OPCML: variants seen among roughly 807,000 people sequenced by gnomAD.
The protein encoded by OPCML is opioid-binding protein/cell adhesion molecule.
In OPCML, 13 loss-of-function variants were observed where a neutral mutation model predicts 37.8. The observed-to-expected ratio is 0.34, with a 90% confidence interval of 0.22 to 0.55. OPCML has a LOEUF of 0.55. Among genes scored for constraint, OPCML ranks in the 20% least tolerant of loss-of-function variants. The pLI is 0.91. For missense variants in OPCML, 341 were observed against 435.6 expected, an observed-to-expected ratio of 0.78 and a Z score of 1.93; for synonymous variants, 176 against 168.8, an observed-to-expected ratio of 1.04 and a Z score of -0.33.
chr11:132,949,588 C>G (rs968811501), intron 1 of OPCML, among the ~76,000 whole-genome samples: 7 of 152,206 alleles, frequency 4.6e-5, no homozygotes, highest in African/African-American at 1.7e-4. Context: ...TTTGACGGAT[C>G]AGTCTCACAC....
chr11:133,452,454 CA>C (rs58833285), intron 1 of OPCML, among the ~76,000 whole-genome samples: 8,568 of 150,808 alleles, frequency 0.057, 624 homozygotes, highest in African/African-American at 0.14. Context: ...TCTTGGAGTT[CA>C]ATTAGTTTAT....
intron 2 of OPCML, among the ~76,000 whole-genome samples, chr11:132,816,193 T>G (rs1417208151): frequency 2.6e-5 from 4 of 152,186 alleles, no homozygotes; most frequent in Non-Finnish European, 5.9e-5. Flanking sequence ...CTTCATGGCA[T>G]TGTGGTTTAA....
At chr11:132,820,497 G>GGTGTGTGTGTATGTGTGT (rs1939917096) in intron 2 of OPCML, among the ~76,000 whole-genome samples, 1 of 151,874 alleles carries the variant, frequency 6.6e-6, no homozygotes, top group Non-Finnish European at 1.5e-5. Context: ...ATATATATGT[G>GGTGTGTGTGTATGTGTGT]GTGTGTGTGT....
chr11:132,670,119 A>T (rs753637912), intron 2 of OPCML, among the ~76,000 whole-genome samples: 49 of 152,194 alleles, frequency 3.2e-4, no homozygotes, highest in Non-Finnish European at 6.5e-4. Flanking sequence ...CACCATTTTA[A>T]TTCCATTCAA....
chr11:132,724,000 A>C lies in OPCML; in HGVS notation c.147-66681T>G, dbSNP rs375371566. ...CTAAGACAGCCAGACACAGCTTTTC[A>C]AGAGAACTGCCCAGTTGTTCTGGTG... On this transcript the variant is annotated intron_variant, in intron 2 of 7. Transcript: ENST00000524381. 8.5e-5 allele frequency among the ~76,000 whole-genome samples: 13 copies of C among 152,298 alleles called. No individual in the cohort carries two copies. In the East Asian group the frequency reaches 1.9e-3, roughly 23 times the overall value.
intron 3 of OPCML, among the ~76,000 whole-genome samples, chr11:132,605,942 G>T (rs932465858): frequency 6.6e-6 from 1 of 152,194 alleles, no homozygotes; most frequent in East Asian, 1.9e-4. Context: ...GCTCTGGTTA[G>T]GTTTCCAGCT....
intron 1 of OPCML, among the ~76,000 whole-genome samples, chr11:133,042,460 AGGCAGAGC>A (rs1331377187): frequency 2.0e-5 from 3 of 152,204 alleles, no homozygotes; most frequent in Non-Finnish European, 4.4e-5. Context: ...GCAGGCAGAG[AGGCAGAGC>A]GGGACGCAAA....
intron 1 of OPCML, among the ~76,000 whole-genome samples, chr11:133,195,936 T>TTAGAGAA (rs1938520744): frequency 6.6e-6 from 1 of 152,228 alleles, no homozygotes; most frequent in Non-Finnish European, 1.5e-5. Context: ...CTACCTTTTC[T>TTAGAGAA]CTAAGTCAAA....
intron 2 of OPCML, among the ~76,000 whole-genome samples, chr11:132,735,662 T>G (rs1047791461): frequency 1.3e-5 from 2 of 152,126 alleles, no homozygotes; most frequent in Non-Finnish European, 2.9e-5. Context: ...TTTTTGTATT[T>G]TTAGTAGAGA....
At chr11:133,420,309 C>A in intron 1 of OPCML, 1 of 985,418 alleles carries the variant, frequency 1.0e-6, no homozygotes. Flanking sequence ...GCAAATTAAT[C>A]CTAGCCATGG....
At chr11:132,617,843 C>T (rs1311136729) in intron 3 of OPCML, among the ~76,000 whole-genome samples, 1 of 152,204 alleles carries the variant, frequency 6.6e-6, no homozygotes, top group African/African-American at 2.4e-5. Flanking sequence ...GAGGCCCTAA[C>T]CTTATGAACC....
At chr11:133,359,032 T>G (rs1291951111) in intron 1 of OPCML, among the ~76,000 whole-genome samples, 3 of 152,126 alleles carry the variant, frequency 2.0e-5, no homozygotes. Flanking sequence ...AAAACTTTGT[T>G]GTTTATTCTG....
intron 1 of OPCML, among the ~76,000 whole-genome samples, chr11:133,002,301 G>A (rs1464904826): frequency 6.6e-6 from 1 of 152,184 alleles, no homozygotes; most frequent in African/African-American, 2.4e-5. Flanking sequence ...TTTCAGAGCT[G>A]CTGAGGTGCA....
intron 1 of OPCML, among the ~76,000 whole-genome samples, chr11:132,950,390 G>A (rs985632109): frequency 1.3e-5 from 2 of 152,136 alleles, no homozygotes; most frequent in African/African-American, 4.8e-5. Flanking sequence ...GAGCGATTGA[G>A]GAAGATTTGG....
At chr11:132,468,992 T>A (rs2096127586) in intron 4 of OPCML, among the ~76,000 whole-genome samples, 1 of 152,204 alleles carries the variant, frequency 6.6e-6, no homozygotes, top group Non-Finnish European at 1.5e-5. Context: ...TTCTGTATGT[T>A]ATTGAAAGTA....
chr11:132,649,102 G>C (rs1941303252), intron 3 of OPCML, among the ~76,000 whole-genome samples: 1 of 152,086 alleles, frequency 6.6e-6, no homozygotes, highest in South Asian at 2.1e-4. Context: ...CATGAAAACT[G>C]TGTGCGTGTA....
chr11:132,448,883 C>T (rs1481865435), intron 4 of OPCML, among the ~76,000 whole-genome samples: 1 of 152,182 alleles, frequency 6.6e-6, no homozygotes, highest in Non-Finnish European at 1.5e-5. Context: ...TCTGTCAATA[C>T]AAAAATTGCA....
At chr11:132,904,447 G>C (rs182842421) in intron 2 of OPCML, among the ~76,000 whole-genome samples, 2 of 152,144 alleles carry the variant, frequency 1.3e-5, no homozygotes, top group Non-Finnish European at 2.9e-5. Flanking sequence ...TATTCTGATC[G>C]AGTTGTCTAA....
intron 7 of OPCML, among the ~76,000 whole-genome samples, chr11:132,426,547 C>A (rs953445856): frequency 3.9e-5 from 6 of 152,122 alleles, no homozygotes; most frequent in Non-Finnish European, 5.9e-5. Flanking sequence ...ATTCTCCTGC[C>A]TCAGCCTCCC....
Sources: allele counts gnomAD v4.1 joint callset (sites outside exome capture counted in the v4.1 genomes callset), GRCh38; gene constraint gnomAD v4.1.1; transcripts MANE v1.5; gene names NCBI Gene and HGNC (gene_info 2026-07-23, HGNC 2026-07-21).